SZT2: variants seen among roughly 807,000 people sequenced by gnomAD.
SZT2 encodes the protein KICSTOR complex protein SZT2.
Under a neutral mutation model 404.2 loss-of-function variants are expected in SZT2, and 216 were observed. The ratio of observed to expected loss-of-function variants is 0.53; its 90% CI spans 0.48 to 0.60. The LOEUF (loss-of-function observed/expected upper bound fraction) is 0.60, where lower values mean the gene tolerates loss of function less well. SZT2 is among the 20% of genes least tolerant of loss of function. The pLI is 0.00. For synonymous variants in SZT2, 1,693 were observed against 1,749.9 expected (o/e 0.97, Z 0.81); for missense variants, 3,857 against 4,459.2 (o/e 0.86, Z 3.85).
rs964723765 is a variant in SZT2, at chr1:43,452,078, C to T, written c.*1598C>T. Reference sequence around the variant, plus strand: ...AAGTTTGTCCCCCATCAGTCAGTCACTGGTCAAGGCCCTCACCTGTTCCTC... The same window carrying T: ...AAGTTTGTCCCCCATCAGTCAGTCATTGGTCAAGGCCCTCACCTGTTCCTC... On this transcript the variant is annotated 3_prime_UTR_variant, in exon 72 of 72. Transcript: ENST00000634258. The T allele has an allele frequency of 8.4e-6, 13 of 1,540,458 alleles. No homozygotes were observed. The highest frequency in any genetic ancestry group is 2.3e-5 in the East Asian group (1 of 44,240).
chr1:43,423,687 CAG>C (rs890685990), intron 15 of SZT2, among the ~76,000 whole-genome samples: 3 of 140,236 alleles, frequency 2.1e-5, no homozygotes, highest in African/African-American at 8.2e-5. Context: ...ATGAGTGGTA[CAG>C]AGTTGCAGAA....
intron 7 of SZT2, 29 bp from the exon 8 acceptor site, chr1:43,419,705 C>A: frequency 6.4e-7 from 1 of 1,569,590 alleles, no homozygotes; most frequent in Non-Finnish European, 8.6e-7. Context: ...TCTGTCAGAG[C>A]TAGGTCTTCA....
At chr1:43,435,805 G>C (rs954613780) in intron 42 of SZT2, 2 of 153,860 alleles carry the variant, frequency 1.3e-5, no homozygotes, top group African/African-American at 4.8e-5. Flanking sequence ...GGGGCACCAG[G>C]CCATGATCTG....
At chr1:43,399,507 G>A (rs763826991) in intron 1 of SZT2, among the ~76,000 whole-genome samples, 105 of 148,658 alleles carry the variant, frequency 7.1e-4, no homozygotes, top group Non-Finnish European at 9.2e-4. Flanking sequence ...GTCTCGCTAG[G>A]CTGGAGTGCA....
intron 1 of SZT2, among the ~76,000 whole-genome samples, chr1:43,398,169 T>C (rs1485080452): frequency 6.6e-6 from 1 of 152,228 alleles, no homozygotes; most frequent in Non-Finnish European, 1.5e-5. Flanking sequence ...GAAAGTAGTG[T>C]TGACACTAGT....
chr1:43,396,158 C>T (rs1648968822), intron 1 of SZT2, among the ~76,000 whole-genome samples: 1 of 152,100 alleles, frequency 6.6e-6, no homozygotes, highest in Admixed American at 6.6e-5. Context: ...CATTCTGGTC[C>T]CCACATTTTA....
chr1:43,445,528 G>C (rs1265057351), intron 62 of SZT2: 1 of 312,862 alleles, frequency 3.2e-6, no homozygotes, highest in African/African-American at 2.1e-5. Context: ...TGCCCTTTCA[G>C]AGGAAGGTAC....
In SZT2 at chr1:43,389,954, C is replaced by T. The variant is rs1465385820; in HGVS notation, c.-15C>T. 3.4e-6 allele frequency: 5 copies of T among 1,450,364 alleles called. No individual in the cohort carries two copies. The highest frequency in any genetic ancestry group is 4.5e-6 in the Non-Finnish European group (5 of 1,101,766). The allele number at this position is 1,450,364 out of a possible 1,614,324, so 89.8% of individuals were successfully genotyped here. A position where few individuals can be genotyped will look rare whatever the true frequency, so the allele number is the denominator to read the frequency against. On this transcript the variant is annotated 5_prime_UTR_variant, in exon 1 of 72. Transcript: ENST00000634258. ...ACACCCTCACTGGCCCGGGCCGGCG[C>T]GGGAGGGCTGTGTGATGGCCTCGGA...
rs777782721 is a variant in SZT2, at chr1:43,437,383, C to T, written c.6188-23C>T. On this transcript the variant is annotated intron_variant, in intron 43 of 71. Transcript: ENST00000634258. This position sits in a 1 kb window ranked among gnomAD's most constrained non-coding sequence, Gnocchi z 5.3. ...GGAAGGATCTGGAAAAGGCAGTTTC[C>T]TGAGCCCATGTTATTCCCCCAGCCA... 6.2e-7 allele frequency: 1 copy of T among 1,613,976 alleles called. No individual in the cohort carries two copies. The highest frequency in any genetic ancestry group is 1.7e-5 in the Admixed American group (1 of 59,996).
chr1:43,453,793 T>G lies in SZT2; in HGVS notation c.*3313T>G. The G allele has an allele frequency of 7.9e-7, 1 of 1,267,262 alleles. No homozygotes were observed. Among genetic ancestry groups the G allele is most frequent in the African/African-American group, 1.6e-5 (1 of 64,200 alleles). The allele number at this position is 1,267,262 out of a possible 1,614,324, so 78.5% of individuals were successfully genotyped here. A position where few individuals can be genotyped will look rare whatever the true frequency, so the allele number is the denominator to read the frequency against. On this transcript the variant is annotated 3_prime_UTR_variant, in exon 72 of 72. Transcript: ENST00000634258. ...TTGGCGGAGAAGCGCAGCGGCGCCA[T>G]GCCTGGGGAGGCCGGGCCGGGCGGA...
chr1:43,439,036 G>T lies in SZT2; in HGVS notation c.6735G>T (p.Leu2245Phe), dbSNP rs763384769. 1 of 1,614,138 alleles carries T rather than the reference G, an allele frequency of 6.2e-7. No homozygotes were observed. Among genetic ancestry groups the T allele is most frequent in the African/African-American group, 1.3e-5 (1 of 75,012 alleles). Reference sequence around the variant, plus strand: ...TGGCATGGTACCTACGGCAGAACTTGCTCATCTTCCTGCACTCTCCCAAGT... The same window carrying T: ...TGGCATGGTACCTACGGCAGAACTTTCTCATCTTCCTGCACTCTCCCAAGT... ...PALAWYLRQN[L>F]LIFLHSPKYT... Residue 2245 changes from leucine to phenylalanine, a missense_variant, in exon 48 of 72, where the codon TTG (leucine) becomes TTT (phenylalanine). Coordinates refer to ENST00000634258, the MANE Select transcript of SZT2 (RefSeq NM_001365999.1). This position sits in a 1 kb window ranked among gnomAD's most constrained non-coding sequence, Gnocchi z 4.2.
rs1333211599 is a variant in SZT2, at chr1:43,424,005, G to C, written c.2256-212G>C. Among the ~76,000 whole-genome samples the C allele has an allele frequency of 2.0e-5, 3 of 151,150 alleles. No individual in the cohort carries two copies. Among genetic ancestry groups the C allele is most frequent in the African/African-American group, 4.9e-5 (2 of 40,964 alleles). ...CAGAGGCATGGAAGGGCGTGGCTTA[G>C]CCGGGTATGAGTGGTACAGAGGTGT... On this transcript the variant is annotated intron_variant, in intron 15 of 71. Coordinates refer to ENST00000634258, the MANE Select transcript of SZT2 (RefSeq NM_001365999.1). This position sits in a 1 kb window ranked among gnomAD's most constrained non-coding sequence, Gnocchi z 4.1.
At chr1:43,391,619 T>C (rs1170115542) in intron 1 of SZT2, among the ~76,000 whole-genome samples, 2 of 152,120 alleles carry the variant, frequency 1.3e-5, no homozygotes, top group South Asian at 2.1e-4. Flanking sequence ...AGAAAAACTA[T>C]GAAACAGTTT....
intron 41 of SZT2, 75 bp from the exon 42 acceptor site, chr1:43,435,125 T>C (rs1654324366): frequency 1.3e-6 from 2 of 1,537,546 alleles, no homozygotes; most frequent in Admixed American, 1.8e-5. Context: ...TCTCTGGCAT[T>C]TGATCACCCC....
At chr1:43,443,316 C>T (rs748516673) in intron 60 of SZT2, 36 bp from the exon 61 acceptor site, 60 of 1,614,152 alleles carry the variant, frequency 3.7e-5, no homozygotes, top group Middle Eastern at 1.6e-4. Flanking sequence ...GATCCTGCCC[C>T]GTCACTGCTC....
At chr1:43,399,088 A>G (rs1476407000) in intron 1 of SZT2, among the ~76,000 whole-genome samples, 1 of 152,174 alleles carries the variant, frequency 6.6e-6, no homozygotes, top group Non-Finnish European at 1.5e-5. Flanking sequence ...TCAAAAAAAA[A>G]AAAGAAAAAA....
intron 4 of SZT2, among the ~76,000 whole-genome samples, chr1:43,414,384 C>G (rs765999040): frequency 2.0e-5 from 3 of 151,998 alleles, no homozygotes; most frequent in Non-Finnish European, 4.4e-5. Context: ...CTCATGTGCT[C>G]CATAAATATA....
At chr1:43,422,655 A>ACCTCCC in intron 13 of SZT2, 23 bp downstream of exon 13, 1 of 1,095,024 alleles carries the variant, frequency 9.1e-7, no homozygotes, top group South Asian at 1.5e-5. Context: ...ATGTCCCTTC[A>ACCTCCC]CCCCCCGCCC....
At chr1:43,427,916 G>A in intron 26 of SZT2, 87 bp from the exon 27 acceptor site, 1 of 1,340,094 alleles carries the variant, frequency 7.5e-7, no homozygotes, top group South Asian at 1.3e-5. Flanking sequence ...TGTGTCTATA[G>A]ATGATCCATT....
Sources: allele counts gnomAD v4.1 joint callset (sites outside exome capture counted in the v4.1 genomes callset), GRCh38; gene constraint gnomAD v4.1.1; non-coding constraint Gnocchi (gnomAD v3.1); transcripts MANE v1.5; gene names NCBI Gene and HGNC (gene_info 2026-07-23, HGNC 2026-07-21).